Variants in PTPN9 observed in about 807,000 individuals in gnomAD.
PTPN9 encodes the protein tyrosine-protein phosphatase non-receptor type 9.
In PTPN9, 26 loss-of-function variants were observed where a neutral mutation model predicts 69.8. That is an observed-to-expected ratio of 0.37 (90% CI 0.27 to 0.52). The LOEUF (loss-of-function observed/expected upper bound fraction) is 0.52, where lower values mean the gene tolerates loss of function less well. PTPN9 is among the 20% of genes least tolerant of loss of function. The pLI is 0.91. For missense variants in PTPN9, 549 were observed against 740.3 expected (o/e 0.74, Z 3.00); for synonymous variants, 274 against 272.5 (o/e 1.01, Z -0.05).
chr15:75,508,848 A>G, intron 6 of PTPN9, 69 bp downstream of exon 6: 1 of 1,202,012 alleles, frequency 8.3e-7, no homozygotes. Context: ...TTTTGAAGGT[A>G]GAAAATTAAT....
intron 1 of PTPN9, among the ~76,000 whole-genome samples, chr15:75,547,579 A>G (rs2075039064): frequency 6.6e-6 from 1 of 152,178 alleles, no homozygotes; most frequent in South Asian, 2.1e-4. Flanking sequence ...ATAACTGGCT[A>G]TCCTTGAAGG....
intron 7 of PTPN9, among the ~76,000 whole-genome samples, chr15:75,493,233 T>C (rs2074721434): frequency 6.6e-6 from 1 of 150,868 alleles, no homozygotes; most frequent in South Asian, 2.1e-4. Context: ...AAAAAAAAGA[T>C]AGTCAATAAG....
intron 5 of PTPN9, chr15:75,512,864 AT>A: frequency 3.3e-6 from 1 of 299,988 alleles, no homozygotes; most frequent in Non-Finnish European, 6.6e-6. Flanking sequence ...TGTCCAGACA[AT>A]ACCCCAACTA....
In PTPN9 at chr15:75,497,733, C is replaced by T. The variant is rs564479330; in HGVS notation, c.969-7432G>A. On this transcript the variant is annotated intron_variant, in intron 7 of 12. Coordinates refer to ENST00000618819, the MANE Select transcript of PTPN9 (RefSeq NM_002833.4). Reference sequence around the variant, plus strand: ...AGGAGAATCGCTTGAACCCAGGAGGCGGAGGTTGCAGTGAGCTGAAGTCAC... The same window carrying T: ...AGGAGAATCGCTTGAACCCAGGAGGTGGAGGTTGCAGTGAGCTGAAGTCAC... Among the ~76,000 whole-genome samples, 776 of 146,400 alleles carry T rather than the reference C, an allele frequency of 5.3e-3. 3 individuals are homozygous for T. Among genetic ancestry groups the T allele is most frequent in the Non-Finnish European group, 8.9e-3 (594 of 67,084 alleles).
At chr15:75,568,766 G>A (rs963031493) in intron 1 of PTPN9, among the ~76,000 whole-genome samples, 2 of 151,976 alleles carry the variant, frequency 1.3e-5, no homozygotes, top group Non-Finnish European at 2.9e-5. Flanking sequence ...GGGACCAGGA[G>A]TTTCAGGCTG....
At chr15:75,504,144 G>T (rs1232878510) in intron 7 of PTPN9, among the ~76,000 whole-genome samples, 2 of 117,912 alleles carry the variant, frequency 1.7e-5, no homozygotes, top group African/African-American at 6.7e-5. Flanking sequence ...TCAGCCCCCC[G>T]CCCGGACAGC....
At chr15:75,494,983 C>A (rs1026072053) in intron 7 of PTPN9, among the ~76,000 whole-genome samples, 1 of 152,046 alleles carries the variant, frequency 6.6e-6, no homozygotes. Flanking sequence ...GAGATTGTGC[C>A]ACTGCACTCC....
chr15:75,561,347 G>A (rs1316569700), intron 1 of PTPN9, among the ~76,000 whole-genome samples: 5 of 150,314 alleles, frequency 3.3e-5, no homozygotes, highest in South Asian at 4.2e-4. Context: ...AAAGAATTCC[G>A]TTTTTTGGAA....
chr15:75,527,008 G>T, intron 2 of PTPN9, 110 bp downstream of exon 2: 1 of 1,372,258 alleles, frequency 7.3e-7, no homozygotes, highest in Non-Finnish European at 1.0e-6. Context: ...CATTTTTTAT[G>T]AAAGTGAGGA....
At position 75,507,872 on chromosome 15, in the gene PTPN9, G is replaced by A. The variant is rs562581915; in HGVS notation, c.639+1045C>T. On this transcript the variant is annotated intron_variant, in intron 6 of 12. Transcript: ENST00000618819. Reference sequence around the variant, plus strand: ...AGCCTGGCCAATATGGTGAAACACCGTCTCTACTAAAAATACAAAAATTAG... The same window carrying A: ...AGCCTGGCCAATATGGTGAAACACCATCTCTACTAAAAATACAAAAATTAG... Among the ~76,000 whole-genome samples, 4 of 151,650 alleles carry A rather than the reference G, an allele frequency of 2.6e-5. No individual in the cohort carries two copies. The East Asian group carries it at 7.8e-4, about 29-fold the overall frequency.
intron 4 of PTPN9, among the ~76,000 whole-genome samples, chr15:75,521,933 C>T (rs570767720): frequency 3.9e-5 from 6 of 152,192 alleles, no homozygotes; most frequent in East Asian, 3.9e-4. Flanking sequence ...CTCAAACTCC[C>T]GGGCTCAGAC....
At chr15:75,510,611 T>A (rs1380441711) in intron 5 of PTPN9, among the ~76,000 whole-genome samples, 1 of 152,138 alleles carries the variant, frequency 6.6e-6, no homozygotes, top group Non-Finnish European at 1.5e-5. Flanking sequence ...GTGTCTTAAA[T>A]CCTTTTCTAT....
Position 75,515,773 on chromosome 15 carries a change from C to T in PTPN9, c.528+1486G>A, listed in dbSNP as rs557830372. Among the ~76,000 whole-genome samples, 7 of 152,074 alleles carry T rather than the reference C, an allele frequency of 4.6e-5. No homozygotes were observed. The South Asian group carries it at 1.5e-3, about 32-fold the overall frequency. On this transcript the variant is annotated intron_variant, in intron 5 of 12. Coordinates refer to ENST00000618819, the MANE Select transcript of PTPN9 (RefSeq NM_002833.4). ...ATTGGCCGGGCGGGGTGGCAGGCGC[C>T]TATAATCCCAGCTATTCAGGAGGCT...
chr15:75,530,762 AT>A lies in PTPN9; in HGVS notation c.64-3502del, dbSNP rs1447865281. ...TTATATAATATATATAATATAATAT[AT>A]TATTATAATTATTATAATATAATAT... On this transcript the variant is annotated intron_variant, in intron 1 of 12. Coordinates refer to ENST00000618819, the MANE Select transcript of PTPN9 (RefSeq NM_002833.4). Among the ~76,000 whole-genome samples the A allele has an allele frequency of 6.9e-4, 58 of 83,758 alleles. 4 individuals carry two copies. Among genetic ancestry groups the A allele is most frequent in the Non-Finnish European group, 8.1e-4 (38 of 46,960 alleles). The allele number at this position is 83,758 out of a possible 152,430, so 54.9% of individuals were successfully genotyped here.
chr15:75,508,420 G>GA (rs200734080), intron 6 of PTPN9, among the ~76,000 whole-genome samples: 8 of 150,772 alleles, frequency 5.3e-5, no homozygotes, highest in South Asian at 2.1e-4. Flanking sequence ...GGTATTCTGA[G>GA]AAAAAAAAAT....
At chr15:75,483,288 G>A (rs778276310) in intron 8 of PTPN9, among the ~76,000 whole-genome samples, 10 of 152,118 alleles carry the variant, frequency 6.6e-5, no homozygotes, top group Non-Finnish European at 1.2e-4. Context: ...AGCATTATTC[G>A]TAATAGCCAA....
chr15:75,562,465 C>A (rs934493526), intron 1 of PTPN9, among the ~76,000 whole-genome samples: 1 of 152,142 alleles, frequency 6.6e-6, no homozygotes. Flanking sequence ...GCACTGGAGA[C>A]AGCAGTTAAC....
chr15:75,484,425 C>G (rs1233628333), intron 8 of PTPN9, among the ~76,000 whole-genome samples: 1 of 152,214 alleles, frequency 6.6e-6, no homozygotes, highest in African/African-American at 2.4e-5. Flanking sequence ...TCCATTATTA[C>G]CTGAATTAAT....
At chr15:75,557,800 G>C (rs927312970) in intron 1 of PTPN9, among the ~76,000 whole-genome samples, 1 of 152,114 alleles carries the variant, frequency 6.6e-6, no homozygotes, top group Non-Finnish European at 1.5e-5. Flanking sequence ...AGCTTCAAAT[G>C]GTTTAGCAGT....
Sources: allele counts gnomAD v4.1 joint callset (sites outside exome capture counted in the v4.1 genomes callset), GRCh38; gene constraint gnomAD v4.1.1; transcripts MANE v1.5; gene names NCBI Gene and HGNC (gene_info 2026-07-23, HGNC 2026-07-21).